Variants in BABAM2 observed in about 807,000 individuals in gnomAD.
BABAM2 encodes BRISC and BRCA1 A complex member 2.
A neutral mutation model predicts 54.7 loss-of-function variants in BABAM2; 31 were observed. That is an observed-to-expected ratio of 0.57 (90% CI 0.43 to 0.77). The LOEUF (loss-of-function observed/expected upper bound fraction) is 0.77, where lower values mean the gene tolerates loss of function less well. Among genes scored for constraint, BABAM2 ranks in the 30% least tolerant of loss-of-function variants. The probability of loss-of-function intolerance (pLI) is 0.00; values close to 1 mark genes in which losing one functional copy is unlikely to be tolerated. For missense variants in BABAM2, 364 were observed against 455.8 expected (o/e 0.80, Z 1.83); for synonymous variants, 167 against 162.9 (o/e 1.03, Z -0.19).
intron 7 of BABAM2, among the ~76,000 whole-genome samples, chr2:28,228,528 A>C (rs1240579978): frequency 6.6e-6 from 1 of 152,158 alleles, no homozygotes; most frequent in Non-Finnish European, 1.5e-5. Context: ...CATTCATTGG[A>C]GTTTTATAAC....
chr2:28,026,875 T>A (rs1230917745), intron 5 of BABAM2, among the ~76,000 whole-genome samples: 612 of 46,956 alleles, frequency 0.013, 33 homozygotes, highest in African/African-American at 0.026. Flanking sequence ...TATATATATT[T>A]ATATATATAT....
At chr2:28,013,037 C>T (rs577301341) in intron 4 of BABAM2, among the ~76,000 whole-genome samples, 2 of 152,318 alleles carry the variant, frequency 1.3e-5, no homozygotes, top group African/African-American at 4.8e-5. Context: ...GGGCTGCATA[C>T]TGGTTACCTT....
chr2:28,094,574 A>G (rs6710214), intron 6 of BABAM2, among the ~76,000 whole-genome samples: 81,313 of 151,884 alleles, frequency 0.54, 22,993 homozygotes, highest in Middle Eastern at 0.67. Context: ...GAGCTTTACA[A>G]ATTATCTAGT....
chr2:28,039,994 C>T (rs1330963094), intron 5 of BABAM2, among the ~76,000 whole-genome samples: 3 of 151,820 alleles, frequency 2.0e-5, no homozygotes, highest in Non-Finnish European at 2.9e-5. Flanking sequence ...GTTCACTTGG[C>T]GGCATCTAAA....
rs114142856 is a variant in BABAM2, at chr2:28,188,102, G to T, written c.681-49100G>T. ...CTCAAGTTTGAAATTTTAATCTGTA[G>T]ACTAGGTAGCCTCTGAGGTATGTGC... On this transcript the variant is annotated intron_variant, in intron 7 of 11. Transcript: ENST00000379624. Among the ~76,000 whole-genome samples, 348 of 152,276 alleles carry T rather than the reference G, an allele frequency of 2.3e-3. 3 individuals carry two copies. The highest frequency in any genetic ancestry group is 8.0e-3 in the African/African-American group (334 of 41,556).
chr2:27,898,547 C>A (rs1412026900), intron 2 of BABAM2, among the ~76,000 whole-genome samples: 1 of 152,044 alleles, frequency 6.6e-6, no homozygotes, highest in African/African-American at 2.4e-5. Flanking sequence ...ACTCAAATGT[C>A]CATCAGGTGA....
At chr2:27,970,374 A>G (rs1671119678) in intron 3 of BABAM2, among the ~76,000 whole-genome samples, 1 of 152,228 alleles carries the variant, frequency 6.6e-6, no homozygotes, top group South Asian at 2.1e-4. Context: ...AAATTGTACT[A>G]TGAGCATCTG....
At chr2:28,012,641 T>A (rs569540539) in intron 4 of BABAM2, among the ~76,000 whole-genome samples, 22 of 152,322 alleles carry the variant, frequency 1.4e-4, no homozygotes, top group African/African-American at 5.1e-4. Flanking sequence ...CTCTTCACGG[T>A]GCTTATGTTC....
chr2:28,295,537 T>C (rs1419197203), intron 10 of BABAM2, among the ~76,000 whole-genome samples: 1 of 152,000 alleles, frequency 6.6e-6, no homozygotes, highest in African/African-American at 2.4e-5. Flanking sequence ...CTCTTGTTGC[T>C]CAAGCCGGAG....
In BABAM2 at chr2:28,303,550, C is replaced by G. The variant is rs191283241; in HGVS notation, c.1088+5059C>G. On this transcript the variant is annotated intron_variant, in intron 11 of 11. Coordinates refer to ENST00000379624, the MANE Select transcript of BABAM2 (RefSeq NM_199191.3). Reference sequence around the variant, plus strand: ...CTGTTCCATTGATAGGTTTGTATACCAATATTTCTTGAAATCAGGAAAGGT... The same window carrying G: ...CTGTTCCATTGATAGGTTTGTATACGAATATTTCTTGAAATCAGGAAAGGT... Among the ~76,000 whole-genome samples the G allele has an allele frequency of 2.3e-3, 346 of 152,094 alleles. 2 individuals carry two copies. The highest frequency in any genetic ancestry group is 8.1e-3 in the African/African-American group (338 of 41,502).
intron 2 of BABAM2, among the ~76,000 whole-genome samples, chr2:27,911,392 G>T (rs1418219025): frequency 6.6e-6 from 1 of 151,974 alleles, no homozygotes; most frequent in African/African-American, 2.4e-5. Flanking sequence ...GTTCCATATT[G>T]TATGTAAGCA....
intron 6 of BABAM2, among the ~76,000 whole-genome samples, chr2:28,120,112 T>G (rs1406422721): frequency 6.6e-6 from 1 of 152,248 alleles, no homozygotes; most frequent in Non-Finnish European, 1.5e-5. Context: ...TCTATAGCCT[T>G]TAGTCTTTAC....
chr2:28,158,931 G>A (rs1263635312), intron 7 of BABAM2, among the ~76,000 whole-genome samples: 1 of 152,136 alleles, frequency 6.6e-6, no homozygotes, highest in African/African-American at 2.4e-5. Flanking sequence ...TAAGCTGTCT[G>A]GCGGCCTTGA....
Position 27,987,930 on chromosome 2 carries a change from G to A in BABAM2, c.206-63G>A, listed in dbSNP as rs1573334694. The stretch of plus-strand genomic sequence containing the variant: ...TTCTTTTAGAAGTTTTTCTGATACA[G>A]TCTTCAGAATATTCATACTTAGAAA... On this transcript the variant is annotated intron_variant, in intron 3 of 11. Transcript: ENST00000379624. 28 of 1,395,974 alleles carry A rather than the reference G, an allele frequency of 2.0e-5. No homozygotes were observed. In the East Asian group the frequency reaches 6.5e-4, roughly 32 times the overall value. The allele number at this position is 1,395,974 out of a possible 1,614,324, so 86.5% of individuals were successfully genotyped here.
In BABAM2 at chr2:28,012,008, TC is replaced by T. The variant is rs202051817; in HGVS notation, c.301-13216del. ...TCTTAACTCTCTAAGTTTGAAAGAT[TC>T]CTGAAGACATTTTCTAATGAAAAGT... On this transcript the variant is annotated intron_variant, in intron 4 of 11. Transcript: ENST00000379624. 5.2e-3 allele frequency among the ~76,000 whole-genome samples: 798 copies of T among 152,320 alleles called. 6 individuals carry two copies. Among genetic ancestry groups the T allele is most frequent in the African/African-American group, 0.018 (752 of 41,574 alleles).
At chr2:27,944,449 C>A (rs954638358) in intron 3 of BABAM2, among the ~76,000 whole-genome samples, 4 of 152,062 alleles carry the variant, frequency 2.6e-5, no homozygotes, top group African/African-American at 9.7e-5. Context: ...AACAGTTTTG[C>A]CTGTTTAGAA....
At chr2:27,907,223 C>T (rs1666245086) in intron 2 of BABAM2, among the ~76,000 whole-genome samples, 1 of 151,996 alleles carries the variant, frequency 6.6e-6, no homozygotes, top group Admixed American at 6.6e-5. Flanking sequence ...ATCCCACTGA[C>T]CTTGCTTCTC....
chr2:28,234,288 T>A (rs1681701258), intron 7 of BABAM2, among the ~76,000 whole-genome samples: 1 of 152,096 alleles, frequency 6.6e-6, no homozygotes, highest in Admixed American at 6.6e-5. Flanking sequence ...CCTAGCAACA[T>A]GTGTTAGTTC....
intron 3 of BABAM2, among the ~76,000 whole-genome samples, chr2:27,934,027 A>G (rs145063378): frequency 6.6e-5 from 10 of 152,122 alleles, no homozygotes; most frequent in African/African-American, 2.2e-4. Flanking sequence ...CTTCCTGTGT[A>G]CAGGCAAACC....
Sources: gnomAD v4.1 joint callset for allele counts (sites outside exome capture counted in the v4.1 genomes callset) on GRCh38, gnomAD v4.1.1 for gene constraint, MANE v1.5 for transcripts, NCBI Gene and HGNC (gene_info 2026-07-23, HGNC 2026-07-21) for gene names.